Variants in HSD17B12 observed in about 807,000 individuals in gnomAD.
HSD17B12 encodes very-long-chain 3-oxoacyl-CoA reductase.
HSD17B12 carries 32 observed loss-of-function variants against 39.3 expected under a neutral mutation model. That is an observed-to-expected ratio of 0.81 (90% confidence interval 0.61 to 1.09). The LOEUF (loss-of-function observed/expected upper bound fraction) is 1.09, where lower values mean the gene tolerates loss of function less well. HSD17B12 is among the 50% of genes least tolerant of loss of function. The probability of loss-of-function intolerance (pLI) is 0.00; values close to 1 mark genes in which losing one functional copy is unlikely to be tolerated. For synonymous variants in HSD17B12, 150 were observed against 146.7 expected (o/e 1.02, Z -0.16); for missense variants, 342 against 382.9 (o/e 0.89, Z 0.89).
intron 3 of HSD17B12, among the ~76,000 whole-genome samples, chr11:43,772,568 A>C (rs2134989793): frequency 6.6e-6 from 1 of 152,330 alleles, no homozygotes; most frequent in Non-Finnish European, 1.5e-5. Context: ...ATACAATGCA[A>C]CTGCTTTGGT....
At chr11:43,620,660 T>A in the HSD17B12 span, among the ~76,000 whole-genome samples, 1 of 152,238 alleles carries the variant, frequency 6.6e-6, no homozygotes, top group East Asian at 1.9e-4. Context: ...TTATTTTTCT[T>A]GACAGCACCC....
the HSD17B12 span, among the ~76,000 whole-genome samples, chr11:43,560,918 C>T: frequency 1.2e-4 from 18 of 151,962 alleles, no homozygotes; most frequent in Non-Finnish European, 1.8e-4. Context: ...TAATTGAATC[C>T]GCAGCAAAAA....
the HSD17B12 span, among the ~76,000 whole-genome samples, chr11:43,608,903 C>G: frequency 1.3e-5 from 2 of 152,032 alleles, no homozygotes; most frequent in African/African-American, 2.4e-5. Context: ...TTTAGAATCT[C>G]AAAATTGAGA....
the HSD17B12 span, among the ~76,000 whole-genome samples, chr11:43,649,908 G>C: frequency 6.6e-6 from 1 of 152,210 alleles, no homozygotes; most frequent in African/African-American, 2.4e-5. Context: ...AAGCCCTGGA[G>C]GATGCGACAT....
the HSD17B12 span, among the ~76,000 whole-genome samples, chr11:43,666,759 C>T: frequency 4.6e-5 from 7 of 152,170 alleles, no homozygotes; most frequent in African/African-American, 1.7e-4. Context: ...ATGTGAATGT[C>T]GTTCACTATA....
intron 2 of HSD17B12, 84 bp from the exon 3 acceptor site, chr11:43,753,962 G>A (rs1174441802): frequency 6.3e-6 from 5 of 792,384 alleles, no homozygotes; most frequent in Non-Finnish European, 1.0e-5. Context: ...ATCTGGACAG[G>A]TTTTCTTAAA....
chr11:43,805,738 G>T (rs1951011923), intron 4 of HSD17B12, among the ~76,000 whole-genome samples: 1 of 152,062 alleles, frequency 6.6e-6, no homozygotes, highest in African/African-American at 2.4e-5. Context: ...ATCACATTTT[G>T]TTGCTAACCA....
the HSD17B12 span, among the ~76,000 whole-genome samples, chr11:43,571,009 T>C: frequency 6.6e-6 from 1 of 152,194 alleles, no homozygotes; most frequent in African/African-American, 2.4e-5. Flanking sequence ...CCCCAGCCTA[T>C]ACTTATTAGA....
At chr11:43,599,333 A>C in the HSD17B12 span, among the ~76,000 whole-genome samples, 261 of 152,188 alleles carry the variant, frequency 1.7e-3, no homozygotes, top group Non-Finnish European at 3.3e-3. Context: ...TTAGGACTTA[A>C]TCTCTCTCTT....
chr11:43,717,189 G>A (rs1950131708), intron 1 of HSD17B12, among the ~76,000 whole-genome samples: 1 of 152,090 alleles, frequency 6.6e-6, no homozygotes, highest in African/African-American at 2.4e-5. Flanking sequence ...GATCCTTAGA[G>A]GCCTGTTTTT....
At chr11:43,792,415 C>G (rs1054976565) in intron 3 of HSD17B12, among the ~76,000 whole-genome samples, 1 of 152,008 alleles carries the variant, frequency 6.6e-6, no homozygotes, top group African/African-American at 2.4e-5. Flanking sequence ...AAAATTGGTA[C>G]GCATTGAATA....
intron 3 of HSD17B12, among the ~76,000 whole-genome samples, chr11:43,773,692 C>T (rs1950671133): frequency 6.6e-6 from 1 of 152,234 alleles, no homozygotes; most frequent in African/African-American, 2.4e-5. Context: ...CCTATACTGA[C>T]ACATCGTTAT....
Position 43,680,913 on chromosome 11 carries a change from C to T in HSD17B12, c.86C>T (p.Ser29Leu), listed in dbSNP as rs771094734. 5.0e-6 allele frequency: 8 copies of T among 1,613,824 alleles called. No individual in the cohort carries two copies. Among genetic ancestry groups the T allele is most frequent in the South Asian group, 1.1e-5 (1 of 91,066 alleles). ...TACCTAGCCCTGCGTATTTCGTACT[C>T]GCTCTTCACGGCCCTCCGGGTCTGG... ...VAYLALRISY[S>L]LFTALRVWGV... Residue 29 changes from serine (S) to leucine (L), a missense_variant, in exon 1 of 11, where the codon TCG (serine) becomes TTG (leucine). Ser to Leu is a moderately radical substitution (Grantham distance 145). Transcript: ENST00000278353.
intron 1 of HSD17B12, among the ~76,000 whole-genome samples, chr11:43,706,088 T>C (rs993211352): frequency 1.3e-5 from 2 of 152,146 alleles, no homozygotes. Flanking sequence ...CTACTTTGCA[T>C]CCCTGGTGGG....
At chr11:43,835,054 C>T (rs890445964) in intron 7 of HSD17B12, among the ~76,000 whole-genome samples, 5 of 152,096 alleles carry the variant, frequency 3.3e-5, no homozygotes, top group African/African-American at 4.8e-5. Flanking sequence ...CTAGAAAATG[C>T]GCTGAAGTAT....
the HSD17B12 span, among the ~76,000 whole-genome samples, chr11:43,657,135 G>C: frequency 6.6e-6 from 1 of 152,166 alleles, no homozygotes; most frequent in Non-Finnish European, 1.5e-5. Flanking sequence ...TTGTTGAATT[G>C]ATCCCTTTAC....
At chr11:43,713,873 G>C (rs1950094957) in intron 1 of HSD17B12, among the ~76,000 whole-genome samples, 1 of 152,160 alleles carries the variant, frequency 6.6e-6, no homozygotes, top group East Asian at 1.9e-4. Flanking sequence ...TTCTCTGATG[G>C]CTTGTGATGA....
the HSD17B12 span, among the ~76,000 whole-genome samples, chr11:43,585,831 A>T: frequency 6.6e-6 from 1 of 152,202 alleles, no homozygotes; most frequent in Non-Finnish European, 1.5e-5. Context: ...TAAGAAAATA[A>T]TAAGGCGGGG....
At chr11:43,669,835 C>T in the HSD17B12 span, among the ~76,000 whole-genome samples, 2 of 152,168 alleles carry the variant, frequency 1.3e-5, no homozygotes, top group African/African-American at 2.4e-5. Context: ...GACCTTATTT[C>T]CAAATAAGGC....
Sources: allele counts gnomAD v4.1 joint callset (sites outside exome capture counted in the v4.1 genomes callset), GRCh38; gene constraint gnomAD v4.1.1; transcripts MANE v1.5; gene names NCBI Gene and HGNC (gene_info 2026-07-23, HGNC 2026-07-21).